The following AP4E1 variants were observed in gnomAD, a reference collection of about 807,000 sequenced individuals.
The protein encoded by AP4E1 is AP-4 complex subunit epsilon-1.
In AP4E1, 56 loss-of-function variants were observed where a neutral mutation model predicts 128.2. The observed-to-expected ratio is 0.44, with a 90% CI of 0.35 to 0.55. The LOEUF (loss-of-function observed/expected upper bound fraction) is 0.55. AP4E1 is among the 20% of genes least tolerant of loss of function. AP4E1 has a pLI of 0.00. For synonymous variants in AP4E1, 484 were observed against 473.1 expected (o/e 1.02, Z -0.30); for missense variants, 1,324 against 1,307.7 (o/e 1.01, Z -0.19).
intron 7 of AP4E1, 40 bp downstream of exon 7, chr15:50,931,011 C>G: frequency 6.2e-7 from 1 of 1,608,224 alleles, no homozygotes; most frequent in Non-Finnish European, 8.5e-7. Flanking sequence ...GACCCCCATA[C>G]CAGATGATAA....
At chr15:50,979,892 C>T (rs927052602) in intron 15 of AP4E1, among the ~76,000 whole-genome samples, 1 of 152,074 alleles carries the variant, frequency 6.6e-6, no homozygotes, top group African/African-American at 2.4e-5. Flanking sequence ...GAAAATTGGT[C>T]CTGAGAAGTG....
At chr15:50,910,274 C>T (rs986519663) in intron 1 of AP4E1, among the ~76,000 whole-genome samples, 2 of 152,184 alleles carry the variant, frequency 1.3e-5, no homozygotes, top group African/African-American at 2.4e-5. Context: ...TGAGCCACCG[C>T]GCCGGGCCCC....
At position 50,958,781 on chromosome 15, in the gene AP4E1, G is replaced by C; in HGVS notation, c.1838G>C (p.Cys613Ser). 6.2e-7 allele frequency: 1 copy of C among 1,614,142 alleles called. No individual in the cohort carries two copies. The highest frequency in any genetic ancestry group is 8.5e-7 in the Non-Finnish European group (1 of 1,179,994). Residue 613 changes from cysteine to serine, a missense_variant, in exon 14 of 21, where the codon TGT becomes TCT. Coordinates refer to ENST00000261842, the MANE Select transcript of AP4E1 (RefSeq NM_007347.5). ...AGCTTGCTTCCAGTTGACAGGAGTT[G>C]TGAAGACTTGGTGGTAAGACATTGG... ...MKSLLPVDRS[C>S]EDLVVDASLS...
rs1400014027 is a variant in AP4E1 at position 50,941,792 on chromosome 15, A to T, written c.1176+17A>T. ...AAAAGAGAGGTAAACTGGTATTTTG[A>T]ATAGTATATGTGAAGTGTTAAAATT... On this transcript the variant is annotated intron_variant, in intron 10 of 20. Transcript: ENST00000261842. 6.3e-7 allele frequency: 1 copy of T among 1,582,184 alleles called. No individual in the cohort carries two copies. The highest frequency in any genetic ancestry group is 8.7e-7 in the Non-Finnish European group (1 of 1,151,798).
chr15:50,986,282 G>A (rs1030291834), intron 16 of AP4E1, among the ~76,000 whole-genome samples: 3 of 152,036 alleles, frequency 2.0e-5, no homozygotes, highest in African/African-American at 7.2e-5. Context: ...CTCTTTTCCT[G>A]ATTGAATACC....
chr15:50,931,532 C>G (rs2063836058), intron 7 of AP4E1, among the ~76,000 whole-genome samples: 2 of 152,014 alleles, frequency 1.3e-5, no homozygotes, highest in Admixed American at 6.6e-5. Flanking sequence ...TGCCACTGCA[C>G]TCCAGCCTGG....
In AP4E1 at chr15:50,948,047, A is replaced by G; in HGVS notation, c.1204A>G (p.Asn402Asp). The G allele has an allele frequency of 1.2e-6, 2 of 1,607,492 alleles. No homozygotes were observed. The highest frequency in any genetic ancestry group is 1.7e-6 in the Non-Finnish European group (2 of 1,174,326). The part of the protein sequence containing the change: ...ETLELLYRIT[N>D]AQNITVIVQK... ...TCTGGAACTTCTTTACAGAATTACT[A>G]ATGCACAGAATATAACAGTTATTGT... The change falls in exon 11 of 21, where the codon AAT becomes GAT. Residue 402 changes from asparagine to aspartate, a missense_variant. Transcript: ENST00000261842.
intron 19 of AP4E1, among the ~76,000 whole-genome samples, chr15:50,999,553 G>T: frequency 6.6e-6 from 1 of 152,254 alleles, no homozygotes; most frequent in Non-Finnish European, 1.5e-5. Flanking sequence ...TAAAGCTTGT[G>T]AGAAAAAGTA....
At position 50,958,630 on chromosome 15, in the gene AP4E1, T is replaced by A; in HGVS notation, c.1687T>A (p.Ser563Thr). The change falls in exon 14 of 21, where the codon TCT becomes ACT. Residue 563 changes from serine to threonine, a missense_variant. By Grantham distance (58) the Ser-to-Thr change is moderately conservative. Transcript: ENST00000261842. ...WLIAAVTKLT[S>T]QAHSSNTVER... ...AATTGCTGCTGTGACCAAATTGACA[T>A]CTCAGGCGCACTCTTCTAATACAGT... 6.2e-7 allele frequency: 1 copy of A among 1,614,180 alleles called. No individual in the cohort carries two copies. Among genetic ancestry groups the A allele is most frequent in the Non-Finnish European group, 8.5e-7 (1 of 1,180,016 alleles).
intron 20 of AP4E1, among the ~76,000 whole-genome samples, chr15:51,001,879 G>T (rs779640543): frequency 2.6e-5 from 4 of 151,830 alleles, no homozygotes; most frequent in South Asian, 2.1e-4. Flanking sequence ...GATAATTTTA[G>T]ATTTAATTTT....
At chr15:50,950,702 C>T (rs1455257425) in intron 13 of AP4E1, among the ~76,000 whole-genome samples, 1 of 152,016 alleles carries the variant, frequency 6.6e-6, no homozygotes, top group African/African-American at 2.4e-5. Context: ...TTTTTTGCTG[C>T]ACCTATTAAC....
At chr15:50,989,740 T>G (rs2064778622) in intron 16 of AP4E1, among the ~76,000 whole-genome samples, 1 of 152,140 alleles carries the variant, frequency 6.6e-6, no homozygotes, top group Non-Finnish European at 1.5e-5. Flanking sequence ...AACTAGGATC[T>G]GGGGGGTGTG....
intron 10 of AP4E1, chr15:50,945,335 A>C: frequency 1.3e-6 from 1 of 780,426 alleles, no homozygotes. Context: ...GTACTGTACA[A>C]CATGAGGCAA....
At chr15:50,994,269 T>A (rs192598330) in intron 17 of AP4E1, among the ~76,000 whole-genome samples, 4 of 152,318 alleles carry the variant, frequency 2.6e-5, no homozygotes, top group Admixed American at 2.6e-4. Flanking sequence ...AATGACAAGT[T>A]GGAGTGAAGG....
At position 50,984,098 on chromosome 15, in the gene AP4E1, T is replaced by G; in HGVS notation, c.2043T>G (p.Ser681=). ...GACGACAGTCTCCTGCTGGCATTTCTCTTGGTTCAGATGTATCTGGGAATA... is the reference window on the plus strand; with the variant it reads ...GACGACAGTCTCCTGCTGGCATTTCGCTTGGTTCAGATGTATCTGGGAATA... ...FTGRQSPAGI[S]LGSDVSGNSA... Residue 681 remains serine (S), a synonymous_variant, in exon 16 of 21, where the codon TCT becomes TCG. Coordinates refer to ENST00000261842, the MANE Select transcript of AP4E1 (RefSeq NM_007347.5). 1 of 1,613,566 alleles carries G rather than the reference T, an allele frequency of 6.2e-7. No homozygotes were observed.
At chr15:50,926,484 T>C (rs962643476) in intron 5 of AP4E1, among the ~76,000 whole-genome samples, 3 of 152,202 alleles carry the variant, frequency 2.0e-5, no homozygotes, top group Non-Finnish European at 2.9e-5. Context: ...GATTATGGTA[T>C]GTCAGTTATA....
intron 10 of AP4E1, 112 bp from the exon 11 acceptor site, chr15:50,947,908 G>T: frequency 1.1e-6 from 1 of 871,482 alleles, no homozygotes; most frequent in Non-Finnish European, 1.8e-6. Context: ...CTACCCAGTA[G>T]ATCTCCATAA....
At chr15:50,979,635 C>A (rs1252799243) in intron 15 of AP4E1, among the ~76,000 whole-genome samples, 2 of 152,144 alleles carry the variant, frequency 1.3e-5, no homozygotes, top group Non-Finnish European at 2.9e-5. Context: ...AGCAATTCTC[C>A]TGTCTCAGCC....
chr15:50,938,419 A>G (rs941950428), intron 8 of AP4E1, among the ~76,000 whole-genome samples: 1 of 152,174 alleles, frequency 6.6e-6, no homozygotes, highest in African/African-American at 2.4e-5. Flanking sequence ...GAAAAAGCCA[A>G]GATTTCCATC....
Sources: allele counts gnomAD v4.1 joint callset (sites outside exome capture counted in the v4.1 genomes callset), GRCh38; gene constraint gnomAD v4.1.1; transcripts MANE v1.5; gene names NCBI Gene and HGNC (gene_info 2026-07-23, HGNC 2026-07-21).